Variants in POR observed in about 807,000 individuals in gnomAD.
POR encodes the protein cytochrome p450 oxidoreductase.
Under a neutral mutation model 84.0 loss-of-function variants are expected in POR, and 56 were observed. The ratio of observed to expected loss-of-function variants is 0.67; its 90% CI spans 0.54 to 0.83. The LOEUF (loss-of-function observed/expected upper bound fraction) is 0.83. POR is among the 40% of genes least tolerant of loss of function. The probability of loss-of-function intolerance (pLI) is 0.00; values close to 1 mark genes in which losing one functional copy is unlikely to be tolerated. For synonymous variants in POR, 414 were observed against 400.5 expected (o/e 1.03, Z -0.40); for missense variants, 938 against 944.3 (o/e 0.99, Z 0.09).
intron 5 of POR, chr7:75,980,744 G>C (rs966161229): frequency 6.8e-7 from 1 of 1,471,776 alleles, no homozygotes; most frequent in African/African-American, 1.4e-5. Context: ...CTGGCTGGAC[G>C]ACTGAGACCT....
intron 2 of POR, among the ~76,000 whole-genome samples, chr7:75,959,616 C>T (rs535105253): frequency 2.6e-4 from 40 of 152,148 alleles, no homozygotes; most frequent in African/African-American, 6.8e-4. Context: ...CCATGATGCC[C>T]GGCTAATTTT....
At chr7:75,984,729 C>T (rs1554558741) in intron 10 of POR, 48 bp from the exon 11 acceptor site, 5 of 1,568,146 alleles carry the variant, frequency 3.2e-6, no homozygotes, top group Non-Finnish European at 4.4e-6. Context: ...CCACCCATCC[C>T]CAGGAGGCGG....
chr7:75,983,014 C>A (rs1554558362), intron 8 of POR, among the ~76,000 whole-genome samples: 1 of 152,162 alleles, frequency 6.6e-6, no homozygotes, highest in Non-Finnish European at 1.5e-5. Context: ...ACACTGATGA[C>A]CCAGCTCTGC....
chr7:75,930,085 G>A (rs1807333786), intron 1 of POR, among the ~76,000 whole-genome samples: 1 of 152,144 alleles, frequency 6.6e-6, no homozygotes, highest in Non-Finnish European at 1.5e-5. Context: ...TAAAATGGGT[G>A]AAATAATATT....
At chr7:75,982,077 C>G in intron 7 of POR, 147 bp from the exon 8 acceptor site, 1 of 663,516 alleles carries the variant, frequency 1.5e-6, no homozygotes, top group Non-Finnish European at 2.8e-6. Flanking sequence ...CCTTGTGCAT[C>G]TGCAGCAGGG....
At chr7:75,941,988 G>T (rs58648820) in intron 1 of POR, among the ~76,000 whole-genome samples, 1 of 152,062 alleles carries the variant, frequency 6.6e-6, no homozygotes, top group Admixed American at 6.6e-5. Flanking sequence ...GGAGGCTGAG[G>T]TGGGAGGATC....
chr7:75,952,354 G>C (rs1787474884), intron 1 of POR, among the ~76,000 whole-genome samples: 1 of 138,520 alleles, frequency 7.2e-6, no homozygotes, highest in Non-Finnish European at 1.6e-5. Context: ...CTTCCCAGTA[G>C]GGGCGGCTGG....
In POR at chr7:75,980,436, T is replaced by C; in HGVS notation, c.464T>C (p.Phe155Ser). ...GACCCCACCGACAATGCCCAGGACT[T>C]CTACGACTGGCTGCAGGAGACAGAC... is the stretch of plus-strand genomic sequence containing the variant. The change falls in exon 5 of 16, where the codon TTC becomes TCC. Residue 155 changes from phenylalanine to serine, a missense_variant. Physicochemically the swap from Phe to Ser is radical, Grantham distance 155. Coordinates refer to ENST00000461988, the MANE Select transcript of POR (RefSeq NM_000941.3). 1 of 1,613,240 alleles carries C rather than the reference T, an allele frequency of 6.2e-7. No individual in the cohort carries two copies. Among genetic ancestry groups the C allele is most frequent in the South Asian group, 1.1e-5 (1 of 91,054 alleles).
intron 2 of POR, among the ~76,000 whole-genome samples, chr7:75,957,000 A>G (rs1397059365): frequency 6.6e-6 from 1 of 152,258 alleles, no homozygotes; most frequent in African/African-American, 2.4e-5. Context: ...TGCTGGGATT[A>G]TAGGCGTGAG....
chr7:75,983,417 T>A, intron 8 of POR, 103 bp from the exon 9 acceptor site: 1 of 770,444 alleles, frequency 1.3e-6, no homozygotes, highest in Non-Finnish European at 2.2e-6. Flanking sequence ...CTCATGGAGA[T>A]CTCTGAGATT....
At chr7:75,942,299 G>T (rs1467028757) in intron 1 of POR, among the ~76,000 whole-genome samples, 1 of 152,180 alleles carries the variant, frequency 6.6e-6, no homozygotes, top group Non-Finnish European at 1.5e-5. Context: ...ATCAAAATCT[G>T]TTGCAAATAT....
chr7:75,920,690 A>T (rs1273947523), intron 1 of POR, among the ~76,000 whole-genome samples: 9 of 152,086 alleles, frequency 5.9e-5, no homozygotes, highest in Non-Finnish European at 1.3e-4. Context: ...GTGGGCATGC[A>T]TCATCAGTGC....
At chr7:75,979,922 AC>A in intron 4 of POR, 1 of 369,510 alleles carries the variant, frequency 2.7e-6, no homozygotes. Context: ...GACGGGCACT[AC>A]CCCACAGCCC....
chr7:75,986,322 C>T lies in POR; in HGVS notation c.1899-15C>T, dbSNP rs1554559438. 2.5e-6 allele frequency: 4 copies of T among 1,612,342 alleles called. No homozygotes were observed. The East Asian group carries it at 8.9e-5, about 36-fold the overall frequency. ...ACAGTTGGCCCAGCCCCCAGCACCC[C>T]CTCTTCCTGCCCAGGGATGCACGGA... is the stretch of plus-strand genomic sequence containing the variant. On this transcript the variant is annotated splice_polypyrimidine_tract_variant and intron_variant, in intron 15 of 15. Transcript: ENST00000461988.
At chr7:75,947,597 A>C (rs1336186081) in intron 1 of POR, among the ~76,000 whole-genome samples, 2 of 152,066 alleles carry the variant, frequency 1.3e-5, no homozygotes, top group African/African-American at 4.8e-5. Context: ...GGCCGGCCCC[A>C]ATGTGTGTTT....
rs1430353627 is a variant in POR at position 75,952,133 on chromosome 7, C to T, written c.-4-1856C>T. 4.5e-5 allele frequency among the ~76,000 whole-genome samples: 4 copies of T among 88,068 alleles called. 1 individual carries two copies. Among genetic ancestry groups the T allele is most frequent in the Non-Finnish European group, 8.6e-5 (4 of 46,296 alleles). The allele number at this position is 88,068 out of a possible 152,430, so 57.8% of individuals were successfully genotyped here. On this transcript the variant is annotated intron_variant, in intron 1 of 15. Coordinates refer to ENST00000461988, the MANE Select transcript of POR (RefSeq NM_000941.3). The stretch of plus-strand genomic sequence containing the variant: ...CTCCCGGACGGGGCAGCTGGCCGGG[C>T]GGGGGGCTGACCCCCCCACCTCCCT...
chr7:75,979,352 C>T (rs1788872954), intron 3 of POR, 99 bp from the exon 4 acceptor site: 1 of 1,438,120 alleles, frequency 7.0e-7, no homozygotes, highest in Non-Finnish European at 9.5e-7. Flanking sequence ...AAGGGGGCGG[C>T]CTGGAGGGCC....
intron 1 of POR, among the ~76,000 whole-genome samples, chr7:75,943,536 T>C (rs1787043339): frequency 6.6e-6 from 1 of 152,230 alleles, no homozygotes; most frequent in Non-Finnish European, 1.5e-5. Flanking sequence ...TTGCATAATA[T>C]CTGCTGGTGA....
At chr7:75,967,644 C>T (rs1023822295) in intron 2 of POR, among the ~76,000 whole-genome samples, 6 of 146,422 alleles carry the variant, frequency 4.1e-5, no homozygotes, top group Non-Finnish European at 9.0e-5. Context: ...ACATGACTTC[C>T]TTTTTTTTTT....
Sources: allele counts gnomAD v4.1 joint callset (sites outside exome capture counted in the v4.1 genomes callset), GRCh38; gene constraint gnomAD v4.1.1; transcripts MANE v1.5; gene names NCBI Gene and HGNC (gene_info 2026-07-23, HGNC 2026-07-21).